MAGI1: variants seen among roughly 807,000 people sequenced by gnomAD.
MAGI1 encodes membrane associated guanylate kinase, WW and PDZ domain containing 1.
MAGI1 carries 58 observed loss-of-function variants against 139.9 expected under a neutral mutation model. The ratio of observed to expected loss-of-function variants is 0.41; its 90% confidence interval spans 0.34 to 0.52. The LOEUF is 0.52. Among genes scored for constraint, MAGI1 ranks in the 20% least tolerant of loss-of-function variants. The pLI is 0.12. For missense variants in MAGI1, 1,874 were observed against 1,901.6 expected, an observed-to-expected ratio of 0.99 and a Z score of 0.27; for synonymous variants, 812 against 737.9, an observed-to-expected ratio of 1.10 and a Z score of -1.63.
At chr3:65,967,381 C>T (rs1422189297) in intron 1 of MAGI1, among the ~76,000 whole-genome samples, 2 of 152,096 alleles carry the variant, frequency 1.3e-5, no homozygotes, top group Non-Finnish European at 2.9e-5. Context: ...ATCTCCTCCT[C>T]AAAGATGGAA....
chr3:65,921,387 C>T (rs986754522), intron 1 of MAGI1, among the ~76,000 whole-genome samples: 1 of 151,692 alleles, frequency 6.6e-6, no homozygotes, highest in Non-Finnish European at 1.5e-5. Flanking sequence ...CAGCTTACTG[C>T]AATCTCTGTG....
intron 2 of MAGI1, among the ~76,000 whole-genome samples, chr3:65,559,216 T>C (rs2080225084): frequency 6.6e-6 from 1 of 152,212 alleles, no homozygotes; most frequent in Non-Finnish European, 1.5e-5. Context: ...GAAATGTTAT[T>C]TTCTCATGTC....
intron 1 of MAGI1, among the ~76,000 whole-genome samples, chr3:65,894,852 A>G (rs1575896617): frequency 6.6e-6 from 1 of 152,244 alleles, no homozygotes; most frequent in African/African-American, 2.4e-5. Context: ...AAATTTCATA[A>G]CACATCTTTA....
At position 65,437,225 on chromosome 3, in the gene MAGI1, G is replaced by A. The variant is rs1947918911; in HGVS notation, c.1293C>T (p.Ala431=). 2.5e-6 allele frequency: 4 copies of A among 1,610,644 alleles called. No homozygotes were observed. Among genetic ancestry groups the A allele is most frequent in the Non-Finnish European group, 3.4e-6 (4 of 1,177,336 alleles). ...QTEEWTEDHS[A]LVPPVIPNHP... is the part of the protein sequence containing the mutation. ...GGTTTGGAATAACAGGAGGCACAAG[G>A]GCTGAGTGATCTTCTGTCCATTCTA... The change falls in exon 10 of 23, where the codon GCC becomes GCT. Residue 431 remains alanine, a synonymous_variant. Coordinates refer to ENST00000402939, the MANE Select transcript of MAGI1 (RefSeq NM_001033057.2).
At chr3:65,775,097 T>A (rs1387571649) in intron 1 of MAGI1, among the ~76,000 whole-genome samples, 1 of 152,140 alleles carries the variant, frequency 6.6e-6, no homozygotes, top group African/African-American at 2.4e-5. Context: ...ACAGACTGAT[T>A]GATCTCAAAT....
rs534867771 is a variant in MAGI1 at position 65,519,588 on chromosome 3, G to A, written c.431-25957C>T. Reference sequence around the variant, plus strand: ...TTTAGTAGAGATAGGGTTTCACCACGTTGGCCAGGCTGGTCTCAAACTCCT... The same window carrying A: ...TTTAGTAGAGATAGGGTTTCACCACATTGGCCAGGCTGGTCTCAAACTCCT... On this transcript the variant is annotated intron_variant, in intron 2 of 22. Coordinates refer to ENST00000402939, the MANE Select transcript of MAGI1 (RefSeq NM_001033057.2). Among the ~76,000 whole-genome samples the A allele has an allele frequency of 2.3e-3, 357 of 152,108 alleles. 1 individual carries two copies. The highest frequency in any genetic ancestry group is 4.0e-3 in the Non-Finnish European group (270 of 67,998).
chr3:65,948,653 C>T (rs1157350410), intron 1 of MAGI1, among the ~76,000 whole-genome samples: 2 of 152,170 alleles, frequency 1.3e-5, no homozygotes, highest in Non-Finnish European at 2.9e-5. Context: ...AAGAGAAGGA[C>T]ACAATTCAAA....
intron 1 of MAGI1, among the ~76,000 whole-genome samples, chr3:65,764,500 C>T (rs2037312277): frequency 6.6e-6 from 1 of 152,166 alleles, no homozygotes; most frequent in Non-Finnish European, 1.5e-5. Context: ...AGAAAAGGAA[C>T]ATCAGTTTAT....
chr3:65,364,165 TAAAAAAA>T (rs555186167), intron 20 of MAGI1, among the ~76,000 whole-genome samples: 7 of 89,420 alleles, frequency 7.8e-5, no homozygotes, highest in African/African-American at 1.8e-4. Context: ...CCCTGTCTCT[TAAAAAAA>T]AAAAAAAAAA....
intron 1 of MAGI1, among the ~76,000 whole-genome samples, chr3:66,025,327 C>T (rs2068193270): frequency 6.6e-6 from 1 of 152,068 alleles, no homozygotes; most frequent in African/African-American, 2.4e-5. Context: ...TTGCTTGAGC[C>T]CAGGATTCTG....
chr3:66,020,523 G>A (rs879686727), intron 1 of MAGI1, among the ~76,000 whole-genome samples: 2 of 152,152 alleles, frequency 1.3e-5, no homozygotes, highest in African/African-American at 4.8e-5. Context: ...TATGTAGGTT[G>A]TATCTTCACA....
In MAGI1 at chr3:65,622,049, T is replaced by C; in HGVS notation, c.353A>G (p.Gln118Arg). 6.2e-7 allele frequency: 1 copy of C among 1,614,060 alleles called. No individual in the cohort carries two copies. Among genetic ancestry groups the C allele is most frequent in the Non-Finnish European group, 8.5e-7 (1 of 1,179,982 alleles). ...ATCAGGAGACCCCTTCTGGAATCGC[T>C]GATTGAGAAAATGTCGCAGGTCCTT... is the stretch of plus-strand genomic sequence containing the variant. The part of the protein sequence containing the change: ...LNKDLRHFLN[Q>R]RFQKGSPDHE... The change falls in exon 2 of 23, where the codon CAG (glutamine) becomes CGG (arginine). Residue 118 changes from glutamine to arginine, a missense_variant. This residue lies in a region of MAGI1 where 648 missense variants were observed against 598.1 expected (regional missense o/e 1.08). Transcript: ENST00000402939.
At chr3:65,666,942 C>G (rs2086571748) in intron 1 of MAGI1, among the ~76,000 whole-genome samples, 1 of 152,156 alleles carries the variant, frequency 6.6e-6, no homozygotes, top group Non-Finnish European at 1.5e-5. Context: ...ATGAAAACAT[C>G]CATCCCAAAC....
intron 1 of MAGI1, among the ~76,000 whole-genome samples, chr3:65,993,643 C>T (rs2066292905): frequency 6.6e-6 from 1 of 152,194 alleles, no homozygotes; most frequent in Non-Finnish European, 1.5e-5. Flanking sequence ...GAAACTTGAT[C>T]ACAAGCCTGT....
At chr3:66,017,654 G>C (rs541780573) in intron 1 of MAGI1, among the ~76,000 whole-genome samples, 8 of 152,294 alleles carry the variant, frequency 5.3e-5, no homozygotes, top group African/African-American at 1.9e-4. Context: ...TTCACAGCAC[G>C]TGCTAAGGAT....
intron 2 of MAGI1, among the ~76,000 whole-genome samples, chr3:65,556,594 C>G (rs1422182211): frequency 1.3e-5 from 2 of 152,164 alleles, no homozygotes; most frequent in African/African-American, 2.4e-5. Flanking sequence ...GACAATTTTC[C>G]TCCTAAATAT....
At chr3:65,528,315 T>C (rs752522875) in intron 2 of MAGI1, among the ~76,000 whole-genome samples, 10 of 152,200 alleles carry the variant, frequency 6.6e-5, no homozygotes, top group Non-Finnish European at 1.2e-4. Context: ...AAAACTAAGA[T>C]TTTCAACACA....
intron 2 of MAGI1, among the ~76,000 whole-genome samples, chr3:65,514,135 T>G (rs1456313383): frequency 6.6e-6 from 1 of 150,492 alleles, no homozygotes; most frequent in Admixed American, 6.6e-5. Flanking sequence ...ATCCCTTCCT[T>G]ATACCTTATA....
intron 2 of MAGI1, among the ~76,000 whole-genome samples, chr3:65,552,259 G>GGTGT (rs10576104): frequency 0.084 from 12,421 of 147,966 alleles, 557 homozygotes; most frequent in African/African-American, 0.14. Flanking sequence ...TGTGTATAGG[G>GGTGT]GTGTGTGTGT....
Sources: gnomAD v4.1 joint callset for allele counts (sites outside exome capture counted in the v4.1 genomes callset) on GRCh38, gnomAD v4.1.1 for gene constraint, gnomAD v4.1.1 regional missense constraint, MANE v1.5 for transcripts, NCBI Gene and HGNC (gene_info 2026-07-23, HGNC 2026-07-21) for gene names.